Variants in NTM observed in about 807,000 individuals in gnomAD.
The protein encoded by NTM is IgLON family member 2.
A neutral mutation model predicts 42.1 loss-of-function variants in NTM; 13 were observed. The ratio of observed to expected loss-of-function variants is 0.31; its 90% CI spans 0.20 to 0.49. The LOEUF is 0.49. NTM is among the 20% of genes least tolerant of loss of function. NTM has a pLI of 0.99. For synonymous variants in NTM, 187 were observed against 179.2 expected (o/e 1.04, Z -0.35); for missense variants, 373 against 452.8 (o/e 0.82, Z 1.60).
At chr11:131,565,021 A>C (rs1214118366) in intron 1 of NTM, among the ~76,000 whole-genome samples, 14 of 151,888 alleles carry the variant, frequency 9.2e-5, no homozygotes, top group African/African-American at 2.9e-4. Context: ...AGGACGACAT[A>C]CTCCTTCTTT....
At chr11:131,484,524 G>C (rs1056551897) in intron 1 of NTM, among the ~76,000 whole-genome samples, 1 of 152,154 alleles carries the variant, frequency 6.6e-6, no homozygotes, top group East Asian at 1.9e-4. Flanking sequence ...ACAGCTGAGG[G>C]GGCTGAGGCA....
chr11:131,441,902 G>A (rs1949653951), intron 1 of NTM, among the ~76,000 whole-genome samples: 1 of 152,218 alleles, frequency 6.6e-6, no homozygotes, highest in Non-Finnish European at 1.5e-5. Flanking sequence ...TCTTCCAGGA[G>A]ATAGGGAAAA....
intron 2 of NTM, among the ~76,000 whole-genome samples, chr11:132,111,613 G>A (rs2031596258): frequency 6.6e-6 from 1 of 152,180 alleles, no homozygotes; most frequent in Non-Finnish European, 1.5e-5. Flanking sequence ...TATGCCCTGT[G>A]TAAGATAGGG....
At chr11:132,187,027 A>G (rs2078517438) in intron 3 of NTM, among the ~76,000 whole-genome samples, 1 of 152,202 alleles carries the variant, frequency 6.6e-6, no homozygotes, top group Non-Finnish European at 1.5e-5. Context: ...TCTGAGTGCC[A>G]GGATCCACAT....
At chr11:131,864,277 AGT>A (rs2046922807) in intron 1 of NTM, among the ~76,000 whole-genome samples, 1 of 152,182 alleles carries the variant, frequency 6.6e-6, no homozygotes. Context: ...GGAAGGAAAG[AGT>A]GTGGAGCGAC....
chr11:131,518,184 G>A (rs2049135903), intron 1 of NTM, among the ~76,000 whole-genome samples: 1 of 152,168 alleles, frequency 6.6e-6, no homozygotes, highest in African/African-American at 2.4e-5. Context: ...CTGTCCTAGT[G>A]GAGCTTATAT....
chr11:131,791,543 C>A (rs549432016), intron 1 of NTM, among the ~76,000 whole-genome samples: 1 of 152,322 alleles, frequency 6.6e-6, no homozygotes, highest in East Asian at 1.9e-4. Flanking sequence ...ACATCACTCA[C>A]ATCTGAGAAG....
At chr11:132,190,641 G>A (rs568523915) in intron 3 of NTM, among the ~76,000 whole-genome samples, 32 of 151,860 alleles carry the variant, frequency 2.1e-4, no homozygotes, top group Non-Finnish European at 4.0e-4. Context: ...GGAGGCTGAG[G>A]CAGGAGAATC....
At chr11:131,513,343 C>T (rs2136479417) in intron 1 of NTM, among the ~76,000 whole-genome samples, 1 of 152,264 alleles carries the variant, frequency 6.6e-6, no homozygotes, top group East Asian at 1.9e-4. Flanking sequence ...AGGCTCTGCA[C>T]CCATCCTCTG....
rs1334919413 is a variant in NTM, at chr11:131,911,634, G to A, written c.153G>A (p.Glu51=). 1.2e-6 allele frequency: 2 copies of A among 1,614,140 alleles called. No homozygotes were observed. The highest frequency in any genetic ancestry group is 2.2e-5 in the East Asian group (1 of 44,868). ...ACAACGTGACGGTCCGGCAGGGGGA[G>A]AGCGCCACCCTCAGGTAGGGAGCTG... ...AMDNVTVRQG[E]SATLRCTIDN... is the part of the protein sequence containing the mutation. The change falls in exon 2 of 9, where the codon GAG becomes GAA. Residue 51 remains glutamate, a synonymous_variant. Coordinates refer to ENST00000683400, the MANE Select transcript of NTM (RefSeq NM_001352005.2).
intron 2 of NTM, among the ~76,000 whole-genome samples, chr11:132,131,432 AAAATACACAGG>A (rs2066799260): frequency 6.6e-6 from 1 of 152,244 alleles, no homozygotes; most frequent in South Asian, 2.1e-4. Flanking sequence ...AAAGATAAAG[AAAATACACAGG>A]CCCTGCCTTC....
intron 1 of NTM, among the ~76,000 whole-genome samples, chr11:131,854,754 A>C (rs1203408380): frequency 6.6e-6 from 1 of 152,196 alleles, no homozygotes; most frequent in African/African-American, 2.4e-5. Flanking sequence ...TTTATTGTAC[A>C]AATGCAGATA....
chr11:132,275,726 G>GTATATATATATATATGTA (rs1438604193), intron 4 of NTM, among the ~76,000 whole-genome samples: 8 of 80,962 alleles, frequency 9.9e-5, no homozygotes, highest in African/African-American at 4.2e-4. Flanking sequence ...ATATATATAC[G>GTATATATATATATATGTA]TATATATACG....
chr11:132,315,234 G>A (rs1306195312), intron 7 of NTM, among the ~76,000 whole-genome samples: 1 of 152,164 alleles, frequency 6.6e-6, no homozygotes, highest in East Asian at 1.9e-4. Flanking sequence ...GTCTCCAGTC[G>A]CTGGGACATG....
intron 1 of NTM, among the ~76,000 whole-genome samples, chr11:131,836,030 C>A (rs1183584301): frequency 2.0e-5 from 3 of 152,072 alleles, no homozygotes; most frequent in Non-Finnish European, 4.4e-5. Context: ...GAAAGTCAGG[C>A]CAGTGCTACT....
intron 1 of NTM, among the ~76,000 whole-genome samples, chr11:131,466,403 A>G (rs1169902299): frequency 6.6e-6 from 1 of 152,194 alleles, no homozygotes; most frequent in Non-Finnish European, 1.5e-5. Flanking sequence ...GAGCTAAGGA[A>G]ACTTGGACTG....
At chr11:131,451,095 C>A (rs867104506) in intron 1 of NTM, among the ~76,000 whole-genome samples, 22 of 151,456 alleles carry the variant, frequency 1.5e-4, no homozygotes, top group Middle Eastern at 6.8e-3. Flanking sequence ...TGGAACAGAA[C>A]AAAATTTCCT....
intron 2 of NTM, among the ~76,000 whole-genome samples, chr11:131,973,163 C>T (rs1314722495): frequency 1.3e-5 from 2 of 152,132 alleles, no homozygotes; most frequent in East Asian, 3.9e-4. Flanking sequence ...GTCATGTCAC[C>T]AGGGATGACT....
At chr11:131,842,991 T>A (rs1404276044) in intron 1 of NTM, among the ~76,000 whole-genome samples, 1 of 151,966 alleles carries the variant, frequency 6.6e-6, no homozygotes, top group Non-Finnish European at 1.5e-5. Context: ...GCCTGGGTGA[T>A]AAAGCAAGAC....
Sources: allele counts gnomAD v4.1 joint callset (sites outside exome capture counted in the v4.1 genomes callset), GRCh38; gene constraint gnomAD v4.1.1; transcripts MANE v1.5; gene names NCBI Gene and HGNC (gene_info 2026-07-23, HGNC 2026-07-21).